Variants in CRPPA observed in about 807,000 individuals in gnomAD.
The protein encoded by CRPPA is CDP-L-ribitol pyrophosphorylase A.
A neutral mutation model predicts 52.0 loss-of-function variants in CRPPA; 43 were observed. The observed-to-expected ratio is 0.83, with a 90% CI of 0.65 to 1.07. The LOEUF is 1.07. Ranked by LOEUF, CRPPA falls within the 50% of genes least tolerant of loss-of-function variation. The pLI is 0.00. For missense variants in CRPPA, 629 were observed against 551.7 expected (o/e 1.14, Z -1.40); for synonymous variants, 250 against 203.5 (o/e 1.23, Z -1.94).
At chr7:16,389,093 A>G (rs1787371349) in intron 2 of CRPPA, among the ~76,000 whole-genome samples, 1 of 152,224 alleles carries the variant, frequency 6.6e-6, no homozygotes, top group African/African-American at 2.4e-5. Context: ...TAGACCTATA[A>G]AAAGGGAATT....
chr7:16,407,485 A>G (rs1787982347), intron 1 of CRPPA, among the ~76,000 whole-genome samples: 1 of 152,220 alleles, frequency 6.6e-6, no homozygotes, highest in Admixed American at 6.5e-5. Context: ...CTGAACAAAG[A>G]CTTAATTTTT....
At chr7:16,095,020 A>G (rs1781909208) in intron 9 of CRPPA, among the ~76,000 whole-genome samples, 1 of 152,200 alleles carries the variant, frequency 6.6e-6, no homozygotes, top group Non-Finnish European at 1.5e-5. Flanking sequence ...CAATGTTGGT[A>G]CATAAATTGT....
Position 16,216,087 on chromosome 7 carries a change from C to A in CRPPA, c.1230G>T (p.Gly410=), listed in dbSNP as rs377754403. The change falls in exon 9 of 10, where the codon GGG becomes GGT. Residue 410 remains glycine, a synonymous_variant. Coordinates refer to ENST00000407010, the MANE Select transcript of CRPPA (RefSeq NM_001101426.4). ...EVKERNILLY[G]LLISYPQDDQ... Reference sequence around the variant, plus strand: ...CTACCTGTGGGTAAGATATGAGAAGCCCATATAACAAAATATTTCTTTCTT... The same window carrying A: ...CTACCTGTGGGTAAGATATGAGAAGACCATATAACAAAATATTTCTTTCTT... 1.7e-5 allele frequency: 27 copies of A among 1,596,014 alleles called. No individual in the cohort carries two copies. Among genetic ancestry groups the A allele is most frequent in the Non-Finnish European group, 2.3e-5 (27 of 1,170,724 alleles).
rs561558217 is a variant in CRPPA, at chr7:16,196,672, G to C, written c.1251+19394C>G. ...TATCTAGAGAAAGACACTCAGGTTT[G>C]AAACTTCAGAATTACAGGACTCACT... On this transcript the variant is annotated intron_variant, in intron 9 of 9. Coordinates refer to ENST00000407010, the MANE Select transcript of CRPPA (RefSeq NM_001101426.4). Among the ~76,000 whole-genome samples the C allele has an allele frequency of 4.8e-4, 73 of 152,210 alleles. 1 individual carries two copies. Among genetic ancestry groups the C allele is most frequent in the Non-Finnish European group, 8.5e-4 (58 of 68,000 alleles).
At chr7:16,369,625 G>T (rs1786696898) in intron 3 of CRPPA, among the ~76,000 whole-genome samples, 1 of 152,174 alleles carries the variant, frequency 6.6e-6, no homozygotes, top group Non-Finnish European at 1.5e-5. Flanking sequence ...ATATCAGGTA[G>T]TGATATCTAA....
At chr7:16,249,781 T>C (rs1382147176) in intron 8 of CRPPA, among the ~76,000 whole-genome samples, 4 of 152,102 alleles carry the variant, frequency 2.6e-5, no homozygotes, top group Non-Finnish European at 5.9e-5. Context: ...GAGAAACCAG[T>C]GCAGAAAGGC....
intron 6 of CRPPA, among the ~76,000 whole-genome samples, chr7:16,261,269 AG>A (rs1471834526): frequency 6.6e-6 from 1 of 152,130 alleles, no homozygotes; most frequent in Non-Finnish European, 1.5e-5. Context: ...CTAAAGGTTA[AG>A]AAGAGGTGCC....
chr7:16,360,182 G>C (rs1384859653), intron 3 of CRPPA, among the ~76,000 whole-genome samples: 1 of 152,158 alleles, frequency 6.6e-6, no homozygotes, highest in African/African-American at 2.4e-5. Context: ...TGATCTCTAA[G>C]GATTCTACAG....
At chr7:16,289,902 C>T (rs1358197841) in intron 5 of CRPPA, among the ~76,000 whole-genome samples, 2 of 152,020 alleles carry the variant, frequency 1.3e-5, no homozygotes, top group African/African-American at 2.4e-5. Flanking sequence ...TCATAGATGA[C>T]ATAATCTTAT....
intron 2 of CRPPA, 124 bp downstream of exon 2, chr7:16,405,937 A>G: frequency 1.2e-6 from 1 of 864,302 alleles, no homozygotes; most frequent in Non-Finnish European, 1.8e-6. Context: ...TCACCATAAC[A>G]TCTTTAGGTC....
intron 5 of CRPPA, among the ~76,000 whole-genome samples, chr7:16,293,250 T>G (rs1025255553): frequency 6.6e-6 from 1 of 151,960 alleles, no homozygotes; most frequent in Non-Finnish European, 1.5e-5. Flanking sequence ...CATGGTCCAC[T>G]GTACTGACCT....
chr7:16,161,444 T>C (rs895672954), intron 9 of CRPPA, among the ~76,000 whole-genome samples: 3 of 152,224 alleles, frequency 2.0e-5, no homozygotes, highest in African/African-American at 7.2e-5. Flanking sequence ...GACATAATCA[T>C]GTGGTTTTTG....
chr7:16,419,433 T>C (rs375177773), intron 1 of CRPPA, among the ~76,000 whole-genome samples: 11 of 152,312 alleles, frequency 7.2e-5, no homozygotes, highest in South Asian at 2.1e-4. Context: ...AAATTGATAA[T>C]AGCCCTTTCC....
At chr7:16,268,396 AT>A (rs137909250) in intron 6 of CRPPA, among the ~76,000 whole-genome samples, 4,812 of 152,194 alleles carry the variant, frequency 0.032, 251 homozygotes, top group African/African-American at 0.11. Flanking sequence ...CCATCCCAAT[AT>A]TTGTTCAACC....
chr7:16,387,474 C>A (rs969824263), intron 2 of CRPPA, among the ~76,000 whole-genome samples: 1 of 151,662 alleles, frequency 6.6e-6, no homozygotes, highest in Non-Finnish European at 1.5e-5. Flanking sequence ...CAAAAGAAAG[C>A]AATAGGAGAC....
At chr7:16,110,953 T>A (rs1404558216) in intron 9 of CRPPA, among the ~76,000 whole-genome samples, 2 of 151,812 alleles carry the variant, frequency 1.3e-5, no homozygotes, top group African/African-American at 2.4e-5. Context: ...TAGATCAAAC[T>A]CAAAAGGAAG....
At chr7:16,345,618 T>C (rs1347471526) in intron 3 of CRPPA, among the ~76,000 whole-genome samples, 2 of 152,168 alleles carry the variant, frequency 1.3e-5, no homozygotes, top group Non-Finnish European at 2.9e-5. Context: ...CTGAATCTTA[T>C]ATTGTTTAAT....
rs141946751 is a variant in CRPPA, at chr7:16,385,541, A to G, written c.535-9300T>C. On this transcript the variant is annotated intron_variant, in intron 2 of 9. Coordinates refer to ENST00000407010, the MANE Select transcript of CRPPA (RefSeq NM_001101426.4). ...ATCCAGCAAAACCAGTATTTCACACATGAAAGCAAAATGAAAACACTTCCA... is the reference window on the plus strand; with the variant it reads ...ATCCAGCAAAACCAGTATTTCACACGTGAAAGCAAAATGAAAACACTTCCA... Among the ~76,000 whole-genome samples the G allele has an allele frequency of 2.2e-3, 337 of 152,348 alleles. 1 individual carries two copies. Among genetic ancestry groups the G allele is most frequent in the Admixed American group, 5.0e-3 (76 of 15,308 alleles).
intron 1 of CRPPA, among the ~76,000 whole-genome samples, chr7:16,409,665 TA>T (rs1365532893): frequency 2.0e-5 from 3 of 152,238 alleles, no homozygotes; most frequent in African/African-American, 7.2e-5. Context: ...AAGCATTTTT[TA>T]TATTTTAGCT....
Sources: gnomAD v4.1 joint callset for allele counts (sites outside exome capture counted in the v4.1 genomes callset) on GRCh38, gnomAD v4.1.1 for gene constraint, MANE v1.5 for transcripts, NCBI Gene and HGNC (gene_info 2026-07-23, HGNC 2026-07-21) for gene names.